The following SPATA17 variants were observed in gnomAD, a reference collection of about 807,000 sequenced individuals.
SPATA17 encodes the protein spermatogenesis-associated protein 17.
SPATA17 carries 53 observed loss-of-function variants against 62.2 expected under a neutral mutation model. The observed-to-expected ratio is 0.85, with a 90% CI of 0.68 to 1.07. The LOEUF (loss-of-function observed/expected upper bound fraction) is 1.07. Among genes scored for constraint, SPATA17 ranks in the 50% least tolerant of loss-of-function variants. The pLI is 0.00. For synonymous variants in SPATA17, 146 were observed against 146.8 expected, an observed-to-expected ratio of 0.99 and a Z score of 0.04; for missense variants, 466 against 425.5, an observed-to-expected ratio of 1.10 and a Z score of -0.84.
At chr1:217,749,971 CTCTCTCTCTCTCTCTATA>C (rs1258666568) in intron 6 of SPATA17, among the ~76,000 whole-genome samples, 2 of 45,826 alleles carry the variant, frequency 4.4e-5, no homozygotes, top group Non-Finnish European at 9.9e-5. Flanking sequence ...CTCTCTCTCT[CTCTCTCTCTCTCTCTATA>C]TATATATATA....
chr1:217,822,783 C>G (rs1176023081), intron 9 of SPATA17, among the ~76,000 whole-genome samples: 1 of 132,878 alleles, frequency 7.5e-6, no homozygotes, highest in Non-Finnish European at 1.8e-5. Flanking sequence ...TTTCTGTTTT[C>G]TATTTTTTTT....
chr1:217,773,098 A>G (rs1673495021), intron 6 of SPATA17, among the ~76,000 whole-genome samples: 1 of 151,970 alleles, frequency 6.6e-6, no homozygotes, highest in South Asian at 2.1e-4. Context: ...TAGGACGTTG[A>G]CTCCAGCCTG....
At position 217,658,936 on chromosome 1, in the gene SPATA17, G is replaced by A. The variant is rs78419305; in HGVS notation, c.240+7758G>A. Among the ~76,000 whole-genome samples the A allele has an allele frequency of 8.0e-3, 1,221 of 152,052 alleles. 10 individuals carry two copies. The highest frequency in any genetic ancestry group is 0.026 in the African/African-American group (1,098 of 41,482). On this transcript the variant is annotated intron_variant, in intron 3 of 10. Coordinates refer to ENST00000366933, the MANE Select transcript of SPATA17 (RefSeq NM_138796.4). Reference sequence around the variant, plus strand: ...TTTTCTATTGTCGCCTGAGCCACGAGGGCATGATTTGAAAACCACTGATTT... The same window carrying A: ...TTTTCTATTGTCGCCTGAGCCACGAAGGCATGATTTGAAAACCACTGATTT...
chr1:217,800,966 T>TAGA (rs1674294448), intron 8 of SPATA17, among the ~76,000 whole-genome samples: 1 of 152,214 alleles, frequency 6.6e-6, no homozygotes, highest in Non-Finnish European at 1.5e-5. Context: ...AAGTTTGGTC[T>TAGA]TTTCTGTTGA....
At chr1:217,851,840 G>A (rs1675673519) in intron 9 of SPATA17, among the ~76,000 whole-genome samples, 4 of 152,130 alleles carry the variant, frequency 2.6e-5, no homozygotes, top group South Asian at 2.1e-4. Context: ...TAGTTGATTC[G>A]AAGGCTATCA....
intron 5 of SPATA17, among the ~76,000 whole-genome samples, chr1:217,723,933 T>C (rs188612044): frequency 6.6e-6 from 1 of 152,246 alleles, no homozygotes; most frequent in Non-Finnish European, 1.5e-5. Flanking sequence ...GCATGTCTGC[T>C]GCCACCCCTG....
At chr1:217,631,587 A>G in intron 1 of SPATA17, 141 bp downstream of exon 1, 2 of 809,046 alleles carry the variant, frequency 2.5e-6, no homozygotes, top group Non-Finnish European at 4.0e-6. Flanking sequence ...ATGGGCTGCA[A>G]ACATAATTGG....
chr1:217,831,644 T>G (rs1558068933), intron 9 of SPATA17, among the ~76,000 whole-genome samples: 1 of 152,216 alleles, frequency 6.6e-6, no homozygotes, highest in Admixed American at 6.5e-5. Context: ...GTACATTTAT[T>G]CAGTGTTTTA....
At chr1:217,788,729 G>A (rs1673923568) in intron 8 of SPATA17, among the ~76,000 whole-genome samples, 1 of 152,126 alleles carries the variant, frequency 6.6e-6, no homozygotes, top group Admixed American at 6.5e-5. Flanking sequence ...AGATCCTCTA[G>A]AAGGAACGAA....
chr1:217,812,183 A>G (rs982740852), intron 9 of SPATA17, among the ~76,000 whole-genome samples: 1 of 152,240 alleles, frequency 6.6e-6, no homozygotes, highest in South Asian at 2.1e-4. Flanking sequence ...CATAGAAGTC[A>G]TACTTTTCAA....
At chr1:217,828,796 C>A (rs1298784276) in intron 9 of SPATA17, among the ~76,000 whole-genome samples, 2 of 152,060 alleles carry the variant, frequency 1.3e-5, no homozygotes, top group Admixed American at 1.3e-4. Context: ...TATGAACAGA[C>A]ATTTCTCTAA....
chr1:217,720,327 A>G (rs1672095590), intron 5 of SPATA17, among the ~76,000 whole-genome samples: 1 of 152,212 alleles, frequency 6.6e-6, no homozygotes, highest in African/African-American at 2.4e-5. Flanking sequence ...TTGATCACTC[A>G]ATGTTCATTC....
chr1:217,674,032 G>T (rs1274699299), intron 4 of SPATA17, among the ~76,000 whole-genome samples: 1 of 152,052 alleles, frequency 6.6e-6, no homozygotes, highest in Non-Finnish European at 1.5e-5. Flanking sequence ...TATATTTGCA[G>T]GGGGAAAATA....
intron 9 of SPATA17, among the ~76,000 whole-genome samples, chr1:217,811,232 C>T (rs1215063217): frequency 6.6e-6 from 1 of 151,964 alleles, no homozygotes; most frequent in Non-Finnish European, 1.5e-5. Flanking sequence ...TGGGGTTTAA[C>T]CATGCTGGCC....
chr1:217,647,763 G>A (rs548181954), intron 1 of SPATA17, among the ~76,000 whole-genome samples: 18 of 151,428 alleles, frequency 1.2e-4, no homozygotes, highest in South Asian at 4.2e-4. Flanking sequence ...TTGCTCTGTC[G>A]CCCAGGCTGG....
chr1:217,769,445 C>T (rs188882802), intron 6 of SPATA17, among the ~76,000 whole-genome samples: 43 of 152,318 alleles, frequency 2.8e-4, no homozygotes, highest in African/African-American at 9.9e-4. Flanking sequence ...CCCTGAGGAA[C>T]TCAGGAAGAA....
intron 7 of SPATA17, among the ~76,000 whole-genome samples, chr1:217,781,755 A>G (rs1016199528): frequency 1.3e-5 from 2 of 152,172 alleles, no homozygotes; most frequent in African/African-American, 2.4e-5. Context: ...TCCTATTTCT[A>G]TTTATAGAAG....
At chr1:217,640,964 C>G (rs1306019838) in intron 1 of SPATA17, among the ~76,000 whole-genome samples, 12 of 151,794 alleles carry the variant, frequency 7.9e-5, no homozygotes, top group Admixed American at 7.9e-4. Context: ...TCTTTTTTCT[C>G]TATGTTTTTC....
intron 1 of SPATA17, among the ~76,000 whole-genome samples, chr1:217,639,259 C>T (rs929455408): frequency 6.6e-6 from 1 of 152,042 alleles, no homozygotes; most frequent in Non-Finnish European, 1.5e-5. Context: ...CCTTTCTGCT[C>T]AACACAGGAA....
Sources: allele counts gnomAD v4.1 joint callset (sites outside exome capture counted in the v4.1 genomes callset), GRCh38; gene constraint gnomAD v4.1.1; transcripts MANE v1.5; gene names NCBI Gene and HGNC (gene_info 2026-07-23, HGNC 2026-07-21).